TPRG1: variants seen among roughly 807,000 people sequenced by gnomAD.
TPRG1 encodes the protein tumor protein p63-regulated gene 1 protein.
A neutral mutation model predicts 29.3 loss-of-function variants in TPRG1; 29 were observed. That is an observed-to-expected ratio of 0.99 (90% CI 0.74 to 1.35). TPRG1 has a LOEUF of 1.35. Ranked by LOEUF, TPRG1 falls within the 40% of genes most tolerant of loss-of-function variation. The pLI is 0.00. For synonymous variants in TPRG1, 130 were observed against 116.8 expected (o/e 1.11, Z -0.73); for missense variants, 327 against 335.0 (o/e 0.98, Z 0.19).
chr3:189,317,928 C>G (rs1723806224), intron 5 of TPRG1, among the ~76,000 whole-genome samples: 1 of 152,122 alleles, frequency 6.6e-6, no homozygotes, highest in South Asian at 2.1e-4. Flanking sequence ...AGAAACCTCT[C>G]TTGTGCAAGG....
At chr3:189,288,409 G>T (rs1437591657) in intron 4 of TPRG1, among the ~76,000 whole-genome samples, 1 of 152,134 alleles carries the variant, frequency 6.6e-6, no homozygotes, top group African/African-American at 2.4e-5. Flanking sequence ...TAGCACATAG[G>T]ATGACTAAGA....
intron 3 of TPRG1, among the ~76,000 whole-genome samples, chr3:189,006,333 G>A (rs538189522): frequency 3.3e-5 from 5 of 152,256 alleles, no homozygotes; most frequent in African/African-American, 9.6e-5. Context: ...CCTAGAGGAT[G>A]TGAAAGGGTT....
chr3:189,277,036 G>T (rs999458482), intron 4 of TPRG1, among the ~76,000 whole-genome samples: 3 of 152,016 alleles, frequency 2.0e-5, no homozygotes, highest in Admixed American at 1.3e-4. Flanking sequence ...CACTATAATT[G>T]CAGCACTGGG....
intron 3 of TPRG1, among the ~76,000 whole-genome samples, chr3:189,146,593 T>C (rs1200290926): frequency 6.6e-6 from 1 of 152,206 alleles, no homozygotes. Flanking sequence ...GTTAGAGCAC[T>C]GATCCCCCAT....
intron 4 of TPRG1, among the ~76,000 whole-genome samples, chr3:189,291,818 T>C (rs781257164): frequency 6.6e-6 from 1 of 152,160 alleles, no homozygotes; most frequent in Non-Finnish European, 1.5e-5. Context: ...GACACACCAA[T>C]TGGGAGATGA....
chr3:189,039,729 T>C (rs1245435386), intron 4 of TPRG1, among the ~76,000 whole-genome samples: 1 of 152,180 alleles, frequency 6.6e-6, no homozygotes. Context: ...TGAGAGAGAA[T>C]GTACACTTGT....
chr3:189,199,208 C>T (rs1256330323), intron 1 of TPRG1, among the ~76,000 whole-genome samples: 1 of 152,170 alleles, frequency 6.6e-6, no homozygotes, highest in Non-Finnish European at 1.5e-5. Context: ...TGACCGTTAT[C>T]ACAATCTTAT....
intron 4 of TPRG1, among the ~76,000 whole-genome samples, chr3:189,039,246 G>C (rs1433766390): frequency 6.6e-6 from 1 of 152,192 alleles, no homozygotes. Flanking sequence ...CTGGCTCTCT[G>C]TAGGCTTATA....
intron 3 of TPRG1, among the ~76,000 whole-genome samples, chr3:189,021,745 G>A (rs562195440): frequency 2.4e-3 from 360 of 152,052 alleles, no homozygotes; most frequent in African/African-American, 7.4e-3. Flanking sequence ...TCTTTGTGGC[G>A]TTCTCTGTAT....
intron 4 of TPRG1, among the ~76,000 whole-genome samples, chr3:189,305,665 G>A (rs1007588301): frequency 6.6e-6 from 1 of 152,212 alleles, no homozygotes; most frequent in Non-Finnish European, 1.5e-5. Context: ...AGTGAAACAT[G>A]TAATTAACAT....
intron 5 of TPRG1, among the ~76,000 whole-genome samples, chr3:189,312,346 C>G (rs1000760007): frequency 6.6e-6 from 1 of 151,706 alleles, no homozygotes; most frequent in Non-Finnish European, 1.5e-5. Flanking sequence ...GGACTACAGG[C>G]GCCCGAAAAC....
At chr3:189,102,077 G>C in intron 1 of TPRG1, among the ~76,000 whole-genome samples, 1 of 151,956 alleles carries the variant, frequency 6.6e-6, no homozygotes, top group South Asian at 2.1e-4. Flanking sequence ...CTTTGTGTTG[G>C]GGGTTTCAAC....
At chr3:189,312,177 CTTTCTT>C (rs1722748279) in intron 5 of TPRG1, among the ~76,000 whole-genome samples, 1 of 54,102 alleles carries the variant, frequency 1.8e-5, no homozygotes, top group Non-Finnish European at 3.5e-5. Flanking sequence ...TTCTTTCTTT[CTTTCTT>C]TTTTTCTTTC....
chr3:189,035,109 G>A (rs1303331160), intron 4 of TPRG1, among the ~76,000 whole-genome samples: 1 of 151,954 alleles, frequency 6.6e-6, no homozygotes, highest in East Asian at 1.9e-4. Context: ...ATGGAACAGG[G>A]TTGAGAACCC....
chr3:189,215,345 T>C lies in TPRG1; in HGVS notation c.264T>C (p.Thr88=), dbSNP rs774026401. Residue 88 remains threonine (T), a synonymous_variant, in exon 3 of 6, where the codon ACT becomes ACC. Transcript: ENST00000345063. ...ACTTGAAAGGTCACGTAGCTGAGACTTCTGGAGAGACCATTCAAGGCTTCT... is the reference window on the plus strand; with the variant it reads ...ACTTGAAAGGTCACGTAGCTGAGACCTCTGGAGAGACCATTCAAGGCTTCT... ...MEDLKGHVAE[T]SGETIQGFWL... is the part of the protein sequence containing the mutation. 1 of 1,612,478 alleles carries C rather than the reference T, an allele frequency of 6.2e-7. No homozygotes were observed. The highest frequency in any genetic ancestry group is 1.1e-5 in the South Asian group (1 of 90,622).
chr3:189,312,812 G>C, intron 5 of TPRG1, among the ~76,000 whole-genome samples: 1 of 152,114 alleles, frequency 6.6e-6, no homozygotes, highest in East Asian at 1.9e-4. Flanking sequence ...TAATAGACTA[G>C]AGCATTGGAT....
At position 189,312,153 on chromosome 3, in the gene TPRG1, CTT is replaced by C. The variant is rs1200840245; in HGVS notation, c.633+1616_633+1617del. Among the ~76,000 whole-genome samples the C allele has an allele frequency of 3.3e-3, 189 of 57,566 alleles. 5 individuals carry two copies. The highest frequency in any genetic ancestry group is 0.018 in the South Asian group (21 of 1,140). The allele number at this position is 57,566 out of a possible 152,430, so 37.8% of individuals were successfully genotyped here. On this transcript the variant is annotated intron_variant, in intron 5 of 5. Transcript: ENST00000345063. ...TCTTTCTTTCTTTCTTTCTTTCTTT[CTT>C]TCTTTCTTTCTTTCTTTCTTTCTTT...
At chr3:189,207,900 G>C (rs1041629418) in intron 2 of TPRG1, among the ~76,000 whole-genome samples, 1 of 152,196 alleles carries the variant, frequency 6.6e-6, no homozygotes, top group Non-Finnish European at 1.5e-5. Flanking sequence ...TCCATAAAGA[G>C]AGAACCATAG....
chr3:189,255,159 T>G (rs1415724863), intron 4 of TPRG1, among the ~76,000 whole-genome samples: 1 of 152,320 alleles, frequency 6.6e-6, no homozygotes, highest in East Asian at 1.9e-4. Context: ...GGCTGTGGGT[T>G]TCTCATAAAT....
Sources: gnomAD v4.1 joint callset for allele counts (sites outside exome capture counted in the v4.1 genomes callset) on GRCh38, gnomAD v4.1.1 for gene constraint, MANE v1.5 for transcripts, NCBI Gene and HGNC (gene_info 2026-07-23, HGNC 2026-07-21) for gene names.